SCAPER: variants seen among roughly 807,000 people sequenced by gnomAD.
SCAPER encodes the protein S-phase cyclin A associated protein in the ER, also known as S phase cyclin A-associated protein in the endoplasmic reticulum.
In SCAPER, 98 loss-of-function variants were observed where a neutral mutation model predicts 182.2. The ratio of observed to expected loss-of-function variants is 0.54; its 90% CI spans 0.46 to 0.64. SCAPER has a LOEUF of 0.64. SCAPER is among the 30% of genes least tolerant of loss of function. The pLI, the probability that SCAPER is intolerant of heterozygous loss-of-function variation, is 0.00. For missense variants in SCAPER, 1,432 were observed against 1,690.0 expected (o/e 0.85, Z 2.68); for synonymous variants, 605 against 564.6 (o/e 1.07, Z -1.01).
At chr15:76,428,547 AT>A (rs1280754476) in intron 26 of SCAPER, among the ~76,000 whole-genome samples, 2 of 152,128 alleles carry the variant, frequency 1.3e-5, no homozygotes, top group African/African-American at 2.4e-5. Context: ...ATATTGCATG[AT>A]CTCACTCAAG....
intron 17 of SCAPER, among the ~76,000 whole-genome samples, chr15:76,711,702 T>C (rs2059580004): frequency 6.6e-6 from 1 of 152,186 alleles, no homozygotes; most frequent in Non-Finnish European, 1.5e-5. Context: ...GATGAGCACT[T>C]TTTCATGTGG....
chr15:76,663,839 C>T (rs1209479934), intron 21 of SCAPER, among the ~76,000 whole-genome samples: 2 of 152,044 alleles, frequency 1.3e-5, no homozygotes, highest in African/African-American at 4.8e-5. Flanking sequence ...GACATCGCCA[C>T]ATTGCACTTA....
chr15:76,720,392 T>A (rs139132221), intron 17 of SCAPER, among the ~76,000 whole-genome samples: 1 of 152,160 alleles, frequency 6.6e-6, no homozygotes, highest in Non-Finnish European at 1.5e-5. Context: ...TAAACATACA[T>A]GTGAATGTGT....
intron 23 of SCAPER, among the ~76,000 whole-genome samples, chr15:76,551,686 T>C (rs564111438): frequency 3.3e-5 from 5 of 152,134 alleles, no homozygotes; most frequent in Non-Finnish European, 7.4e-5. Context: ...TCAAAATTAG[T>C]AGAAGATTTT....
chr15:76,657,545 C>G (rs2055752831), intron 21 of SCAPER, among the ~76,000 whole-genome samples: 1 of 148,252 alleles, frequency 6.7e-6, no homozygotes, highest in Non-Finnish European at 1.5e-5. Flanking sequence ...ATTCTATGAG[C>G]CAAGCATCAT....
intron 23 of SCAPER, among the ~76,000 whole-genome samples, chr15:76,542,404 T>G (rs1297785562): frequency 6.6e-6 from 1 of 151,946 alleles, no homozygotes; most frequent in Non-Finnish European, 1.5e-5. Context: ...CCACCTGTAA[T>G]CCCAGCTACT....
At chr15:76,720,866 T>C (rs924441566) in intron 17 of SCAPER, among the ~76,000 whole-genome samples, 3 of 152,192 alleles carry the variant, frequency 2.0e-5, no homozygotes, top group African/African-American at 7.2e-5. Flanking sequence ...TTTCTCCCAT[T>C]CTGTAGGTTG....
At chr15:76,901,213 G>C (rs952570359) in intron 1 of SCAPER, among the ~76,000 whole-genome samples, 2 of 152,192 alleles carry the variant, frequency 1.3e-5, no homozygotes, top group African/African-American at 4.8e-5. Context: ...CTGGGGGACA[G>C]AGCAAGACGC....
At chr15:76,689,375 G>A (rs1394303072) in intron 20 of SCAPER, among the ~76,000 whole-genome samples, 1 of 151,972 alleles carries the variant, frequency 6.6e-6, no homozygotes, top group Non-Finnish European at 1.5e-5. Flanking sequence ...AAAACAAAGT[G>A]TAAAATACTG....
At chr15:76,375,657 A>C (rs1358432122) in intron 29 of SCAPER, among the ~76,000 whole-genome samples, 1 of 152,226 alleles carries the variant, frequency 6.6e-6, no homozygotes, top group Non-Finnish European at 1.5e-5. Flanking sequence ...CTCTAAGAGG[A>C]GGCCCTAGGG....
intron 20 of SCAPER, among the ~76,000 whole-genome samples, chr15:76,672,574 T>C (rs763203860): frequency 4.4e-4 from 66 of 151,582 alleles, no homozygotes; most frequent in Non-Finnish European, 8.3e-4. Flanking sequence ...ATTTAAGGAA[T>C]AAAAACAAAA....
chr15:76,871,006 A>C (rs2072685507), intron 2 of SCAPER, among the ~76,000 whole-genome samples: 1 of 152,214 alleles, frequency 6.6e-6, no homozygotes, highest in South Asian at 2.1e-4. Context: ...TAAGAATAAA[A>C]CTGACAAGTG....
At chr15:76,653,006 A>T (rs2055304031) in intron 21 of SCAPER, among the ~76,000 whole-genome samples, 1 of 152,224 alleles carries the variant, frequency 6.6e-6, no homozygotes, top group Non-Finnish European at 1.5e-5. Context: ...CCTAGAATTG[A>T]TAAATGACAT....
intron 22 of SCAPER, among the ~76,000 whole-genome samples, chr15:76,604,723 CCTT>C (rs2050218110): frequency 1.3e-5 from 2 of 152,098 alleles, no homozygotes; most frequent in South Asian, 4.2e-4. Context: ...TTGTAGTTCT[CCTT>C]GAAGAGGTCC....
chr15:76,667,650 A>AAAAAAAAAAAAAAAAAAAAAAAAAAAAC (rs2056702054), intron 20 of SCAPER, among the ~76,000 whole-genome samples: 1 of 103,924 alleles, frequency 9.6e-6, no homozygotes, highest in Non-Finnish European at 2.0e-5. Flanking sequence ...AAAAAAAAAA[A>AAAAAAAAAAAAAAAAAAAAAAAAAAAAC]AAAAAAAAAA....
At chr15:76,364,330 C>T (rs1445634309) in intron 29 of SCAPER, among the ~76,000 whole-genome samples, 3 of 152,058 alleles carry the variant, frequency 2.0e-5, no homozygotes, top group African/African-American at 7.2e-5. Flanking sequence ...TCTCTAGCAC[C>T]AGCAAAGTGT....
intron 24 of SCAPER, among the ~76,000 whole-genome samples, chr15:76,491,298 G>A (rs1035391399): frequency 2.6e-5 from 4 of 152,114 alleles, no homozygotes; most frequent in Admixed American, 1.3e-4. Context: ...ATTTATTGCT[G>A]AATAGTATGT....
chr15:76,523,237 T>C (rs2042954340), intron 23 of SCAPER, among the ~76,000 whole-genome samples: 1 of 152,070 alleles, frequency 6.6e-6, no homozygotes, highest in Admixed American at 6.6e-5. Flanking sequence ...ATTGGAGTTA[T>C]AAAGTTTTAA....
chr15:76,570,818 A>G lies in SCAPER; in HGVS notation c.2838+3340T>C, dbSNP rs528783796. On this transcript the variant is annotated intron_variant, in intron 23 of 31. Transcript: ENST00000563290. The stretch of plus-strand genomic sequence containing the variant: ...CTTCTCTTCTGCTTGATTCCTAAAG[A>G]CACTGCAAATCAATCTAGGACAACT... Among the ~76,000 whole-genome samples, 4 of 152,136 alleles carry G rather than the reference A, an allele frequency of 2.6e-5. No homozygotes were observed. In the South Asian group the frequency reaches 8.3e-4, roughly 32 times the overall value.
Sources: allele counts gnomAD v4.1 joint callset (sites outside exome capture counted in the v4.1 genomes callset), GRCh38; gene constraint gnomAD v4.1.1; transcripts MANE v1.5; gene names NCBI Gene and HGNC (gene_info 2026-07-23, HGNC 2026-07-21).